WWOX: variants seen among roughly 807,000 people sequenced by gnomAD.
WWOX encodes WW domain containing oxidoreductase.
A neutral mutation model predicts 46.2 loss-of-function variants in WWOX; 69 were observed. The observed-to-expected ratio is 1.49, with a 90% CI of 1.23 to 1.82. The LOEUF is 1.82. Ranked by LOEUF, WWOX falls within the 40% of genes most tolerant of loss-of-function variation. WWOX has a pLI of 0.00. For missense variants in WWOX, 919 were observed against 542.6 expected, an observed-to-expected ratio of 1.69 and a Z score of -6.89; for synonymous variants, 359 against 202.6, an observed-to-expected ratio of 1.77 and a Z score of -6.56.
In WWOX at chr16:78,208,919, T is replaced by A. The variant is rs115551821; in HGVS notation, c.516+44630T>A. Among the ~76,000 whole-genome samples, 1,044 of 152,262 alleles carry A rather than the reference T, an allele frequency of 6.9e-3. 6 individuals are homozygous for A. Among genetic ancestry groups the A allele is most frequent in the African/African-American group, 0.019 (807 of 41,546 alleles). On this transcript the variant is annotated intron_variant, in intron 5 of 8. Coordinates refer to ENST00000566780, the MANE Select transcript of WWOX (RefSeq NM_016373.4). ...CAGCTTTTTATTTATTTATTTATTT[T>A]TTTTAGATCTTTCCAAATTATATTA...
chr16:79,013,138 C>T (rs533964098), intron 8 of WWOX, among the ~76,000 whole-genome samples: 2 of 152,374 alleles, frequency 1.3e-5, no homozygotes, highest in Non-Finnish European at 2.9e-5. Context: ...TTGAGGGTAT[C>T]TCCCTGCCCT....
At chr16:78,759,256 A>C (rs1392221586) in intron 8 of WWOX, among the ~76,000 whole-genome samples, 1 of 152,174 alleles carries the variant, frequency 6.6e-6, no homozygotes, top group Non-Finnish European at 1.5e-5. Flanking sequence ...AGATGTTTTG[A>C]AGGTGGGCAT....
At chr16:78,792,099 C>T (rs1018096699) in intron 8 of WWOX, among the ~76,000 whole-genome samples, 24 of 152,094 alleles carry the variant, frequency 1.6e-4, no homozygotes, top group African/African-American at 5.6e-4. Flanking sequence ...TTGCCTGTAT[C>T]CCTTAGTCAT....
At chr16:78,262,189 G>A (rs145563103) in intron 5 of WWOX, among the ~76,000 whole-genome samples, 2 of 151,422 alleles carry the variant, frequency 1.3e-5, no homozygotes, top group East Asian at 3.9e-4. Flanking sequence ...GGTTGTAAGT[G>A]GATTTAAAAT....
chr16:78,411,867 A>G (rs1249006543), intron 6 of WWOX, among the ~76,000 whole-genome samples: 2 of 152,132 alleles, frequency 1.3e-5, no homozygotes, highest in Non-Finnish European at 2.9e-5. Flanking sequence ...CCTATGATCG[A>G]TTAGGGGACT....
At chr16:78,958,236 G>A (rs187257876) in intron 8 of WWOX, among the ~76,000 whole-genome samples, 1 of 151,962 alleles carries the variant, frequency 6.6e-6, no homozygotes, top group East Asian at 1.9e-4. Flanking sequence ...TGAATATTTC[G>A]GTTCTTTATT....
At chr16:79,053,700 G>A (rs2048211314) in intron 8 of WWOX, among the ~76,000 whole-genome samples, 1 of 152,132 alleles carries the variant, frequency 6.6e-6, no homozygotes, top group African/African-American at 2.4e-5. Context: ...AGAGGATTTT[G>A]CATCTCATCA....
intron 8 of WWOX, among the ~76,000 whole-genome samples, chr16:78,460,580 C>G (rs903764611): frequency 1.3e-5 from 2 of 152,210 alleles, no homozygotes; most frequent in African/African-American, 4.8e-5. Flanking sequence ...GTTTGTTTTG[C>G]AGAACACTGG....
intron 8 of WWOX, among the ~76,000 whole-genome samples, chr16:79,062,574 A>T (rs746347535): frequency 6.6e-6 from 1 of 152,218 alleles, no homozygotes; most frequent in African/African-American, 2.4e-5. Flanking sequence ...GATATAAAAC[A>T]GCAGGGGTGG....
chr16:78,592,154 A>G lies in WWOX; in HGVS notation c.1056+159402A>G, dbSNP rs146298595. ...TGCATATGTGAAAATAAAGAACAGC[A>G]TGGTACAAAAAAGGTCTGCTAGGCA... is the stretch of plus-strand genomic sequence containing the variant. On this transcript the variant is annotated intron_variant, in intron 8 of 8. Transcript: ENST00000566780. 9.1e-4 allele frequency among the ~76,000 whole-genome samples: 139 copies of G among 152,344 alleles called. 5 individuals are homozygous for G. The East Asian group carries it at 0.02, about 22-fold the overall frequency.
chr16:78,642,624 C>T (rs969180858), intron 8 of WWOX, among the ~76,000 whole-genome samples: 1 of 152,026 alleles, frequency 6.6e-6, no homozygotes, highest in African/African-American at 2.4e-5. Context: ...TGGGCTACTG[C>T]CAGCTGAGAT....
chr16:78,953,438 A>G (rs2046102948), intron 8 of WWOX, among the ~76,000 whole-genome samples: 1 of 151,582 alleles, frequency 6.6e-6, no homozygotes, highest in African/African-American at 2.4e-5. Context: ...CCTGTTCATC[A>G]ACAGTCCCTT....
chr16:78,842,515 A>C (rs1021408056), intron 8 of WWOX, among the ~76,000 whole-genome samples: 3 of 118,986 alleles, frequency 2.5e-5, no homozygotes, highest in African/African-American at 9.0e-5. Flanking sequence ...AAAAGAAAAC[A>C]AAAAGTTGGA....
At chr16:79,181,342 T>C (rs1163231882) in intron 8 of WWOX, among the ~76,000 whole-genome samples, 1 of 152,258 alleles carries the variant, frequency 6.6e-6, no homozygotes, top group Non-Finnish European at 1.5e-5. Context: ...TTCCTCTGTT[T>C]ATGGGCATTC....
At chr16:78,216,835 G>A (rs540690942) in intron 5 of WWOX, among the ~76,000 whole-genome samples, 3 of 152,148 alleles carry the variant, frequency 2.0e-5, no homozygotes, top group East Asian at 1.9e-4. Context: ...GGGTTCAAGC[G>A]ATTCTCCTGC....
intron 8 of WWOX, among the ~76,000 whole-genome samples, chr16:78,621,050 GGCA>G (rs2046168336): frequency 6.6e-6 from 1 of 152,128 alleles, no homozygotes; most frequent in African/African-American, 2.4e-5. Context: ...TAAAGCCTGT[GGCA>G]GCCTTTAACT....
intron 8 of WWOX, among the ~76,000 whole-genome samples, chr16:78,893,790 C>T (rs1433008187): frequency 6.6e-6 from 1 of 152,132 alleles, no homozygotes; most frequent in Non-Finnish European, 1.5e-5. Context: ...GCCCCTCTCA[C>T]CTTCATCGAT....
At chr16:78,655,014 G>C (rs958748892) in intron 8 of WWOX, among the ~76,000 whole-genome samples, 1 of 152,062 alleles carries the variant, frequency 6.6e-6, no homozygotes, top group African/African-American at 2.4e-5. Context: ...TTTACATTTT[G>C]TGTCGGTACT....
intron 7 of WWOX, among the ~76,000 whole-genome samples, chr16:78,427,386 G>C (rs1042639569): frequency 6.6e-6 from 1 of 152,150 alleles, no homozygotes; most frequent in Admixed American, 6.5e-5. Flanking sequence ...GAAATGAGAA[G>C]TTGACTTCTT....
Sources: allele counts gnomAD v4.1 joint callset (sites outside exome capture counted in the v4.1 genomes callset), GRCh38; gene constraint gnomAD v4.1.1; transcripts MANE v1.5; gene names NCBI Gene and HGNC (gene_info 2026-07-23, HGNC 2026-07-21).